HACD4: variants seen among roughly 807,000 people sequenced by gnomAD.
The protein encoded by HACD4 is very-long-chain (3R)-3-hydroxyacyl-CoA dehydratase 4.
Under a neutral mutation model 33.3 loss-of-function variants are expected in HACD4, and 35 were observed. The observed-to-expected ratio is 1.05, with a 90% CI of 0.80 to 1.39. The LOEUF (loss-of-function observed/expected upper bound fraction) is 1.39. Among genes scored for constraint, HACD4 ranks in the 40% most tolerant of loss-of-function variants. The pLI is 0.00. For synonymous variants in HACD4, 118 were observed against 98.0 expected (o/e 1.20, Z -1.21); for missense variants, 323 against 276.5 (o/e 1.17, Z -1.19).
chr9:21,011,581 T>C lies in HACD4; in HGVS notation c.490+8A>G. 6.5e-7 allele frequency: 1 copy of C among 1,548,942 alleles called. No homozygotes were observed. The highest frequency in any genetic ancestry group is 8.9e-7 in the Non-Finnish European group (1 of 1,121,714). On this transcript the variant is annotated splice_region_variant and intron_variant, in intron 5 of 6. Transcript: ENST00000495827. The stretch of plus-strand genomic sequence containing the variant: ...AGTAAGCAATACAGCAAGTCACTCT[T>C]TTCTTACCTTCAGCAAGAACACACA...
At chr9:21,014,310 C>T (rs897883808) in intron 4 of HACD4, among the ~76,000 whole-genome samples, 6 of 152,132 alleles carry the variant, frequency 3.9e-5, no homozygotes, top group Non-Finnish European at 8.8e-5. Flanking sequence ...GTAGAAACCA[C>T]CCAAATGTCC....
At chr9:21,020,378 G>A (rs1243397103) in intron 3 of HACD4, among the ~76,000 whole-genome samples, 1 of 152,118 alleles carries the variant, frequency 6.6e-6, no homozygotes, top group African/African-American at 2.4e-5. Context: ...TGACACAAAG[G>A]TTAGTGTTGG....
chr9:21,000,838 T>G lies in HACD4; in HGVS notation c.*6199A>C, dbSNP rs1842156922. The G allele has an allele frequency of 6.6e-6, 1 of 152,108 alleles. No homozygotes were observed. Among genetic ancestry groups the G allele is most frequent in the South Asian group, 2.1e-4 (1 of 4,794 alleles). The allele number at this position is 152,108 out of a possible 1,614,324, so 9.4% of individuals were successfully genotyped here. A position where few individuals can be genotyped will look rare whatever the true frequency, so the allele number is the denominator to read the frequency against. ...TAAGTAAACTTAAATAATTGTAAGA[T>G]TCTTTCTTTGGGGAAATATTTTGGA... On this transcript the variant is annotated 3_prime_UTR_variant, in exon 7 of 7. Transcript: ENST00000495827.
chr9:21,008,248 G>T, intron 5 of HACD4, 102 bp from the exon 6 acceptor site: 1 of 1,062,818 alleles, frequency 9.4e-7, no homozygotes, highest in Non-Finnish European at 1.3e-6. Flanking sequence ...ATTTGATAAT[G>T]ACAGTTTTGT....
chr9:21,031,292 C>T (rs1818210784), intron 1 of HACD4: 1 of 237,556 alleles, frequency 4.2e-6, no homozygotes, highest in African/African-American at 2.3e-5. Context: ...AGAGGGCTCA[C>T]AAGGGCAGGG....
At position 21,006,782 on chromosome 9, in the gene HACD4, G is replaced by C. The variant is rs1196558472; in HGVS notation, c.*255C>G. 1 of 435,538 alleles carries C rather than the reference G, an allele frequency of 2.3e-6. No homozygotes were observed. Among genetic ancestry groups the C allele is most frequent in the Admixed American group, 3.9e-5 (1 of 25,490 alleles). 27.0% of individuals were successfully genotyped at this position (435,538 alleles called of 1,614,324 possible). A position where few individuals can be genotyped will look rare whatever the true frequency, so the allele number is the denominator to read the frequency against. On this transcript the variant is annotated 3_prime_UTR_variant, in exon 7 of 7. Coordinates refer to ENST00000495827, the MANE Select transcript of HACD4 (RefSeq NM_001010915.5). The surrounding 1 kb of genome is among the most constrained non-coding windows in gnomAD (Gnocchi z 4.6). Reference sequence around the variant, plus strand: ...AATAATCAGACTTCATACAATGTAAGTATAACTTGTATAAAATCCAAATGA... The same window carrying C: ...AATAATCAGACTTCATACAATGTAACTATAACTTGTATAAAATCCAAATGA...
intron 3 of HACD4, among the ~76,000 whole-genome samples, chr9:21,024,491 G>C (rs1274792735): frequency 6.6e-6 from 1 of 152,178 alleles, no homozygotes; most frequent in Non-Finnish European, 1.5e-5. Flanking sequence ...TTTGATTACA[G>C]TTATATTTCT....
At chr9:21,016,409 G>C (rs1338701166) in intron 3 of HACD4, among the ~76,000 whole-genome samples, 3 of 152,316 alleles carry the variant, frequency 2.0e-5, no homozygotes, top group Admixed American at 2.0e-4. Context: ...AGCCAGCACA[G>C]TGTGTGCCAG....
intron 3 of HACD4, among the ~76,000 whole-genome samples, chr9:21,025,750 A>G (rs1408189705): frequency 1.3e-5 from 2 of 152,246 alleles, no homozygotes; most frequent in African/African-American, 4.8e-5. Flanking sequence ...TACAAAGAAC[A>G]TGGTAATCTA....
At chr9:21,008,201 T>G in intron 5 of HACD4, 55 bp from the exon 6 acceptor site, 1 of 1,376,436 alleles carries the variant, frequency 7.3e-7, no homozygotes, top group Non-Finnish European at 9.8e-7. Flanking sequence ...GTTACAGGGA[T>G]GTGTATATAT....
chr9:21,030,458 AT>A (rs1226431227), intron 1 of HACD4, among the ~76,000 whole-genome samples: 1 of 147,648 alleles, frequency 6.8e-6, no homozygotes, highest in African/African-American at 2.7e-5. Context: ...TAAATAAAAA[AT>A]AAAAAACAAA....
chr9:21,013,009 G>T (rs1367568003), intron 4 of HACD4, among the ~76,000 whole-genome samples: 1 of 150,634 alleles, frequency 6.6e-6, no homozygotes, highest in African/African-American at 2.4e-5. Flanking sequence ...GGAGGTTGTG[G>T]TGAGCTGAGA....
intron 3 of HACD4, among the ~76,000 whole-genome samples, chr9:21,023,112 G>T (rs553180523): frequency 1.3e-5 from 2 of 149,978 alleles, no homozygotes; most frequent in Non-Finnish European, 3.0e-5. Context: ...GCAAACTATC[G>T]CAAGGACAGA....
chr9:21,022,445 C>T (rs1226951093), intron 3 of HACD4, among the ~76,000 whole-genome samples: 2 of 152,068 alleles, frequency 1.3e-5, no homozygotes, highest in African/African-American at 4.8e-5. Flanking sequence ...AGGCAACCTA[C>T]AGAATGGGAG....
In HACD4 at chr9:21,004,575, C is replaced by A. The variant is rs977141846; in HGVS notation, c.*2462G>T. ...TAGCAAGAAGGCATTCATCTGCAAACCATGAAGAAGAATCAGCTAGCACCT... is the reference window on the plus strand; with the variant it reads ...TAGCAAGAAGGCATTCATCTGCAAAACATGAAGAAGAATCAGCTAGCACCT... On this transcript the variant is annotated 3_prime_UTR_variant, in exon 7 of 7. Coordinates refer to ENST00000495827, the MANE Select transcript of HACD4 (RefSeq NM_001010915.5). This position sits in a 1 kb window ranked among gnomAD's most constrained non-coding sequence, Gnocchi z 4.6. 1.4e-4 allele frequency: 22 copies of A among 152,276 alleles called. No individual in the cohort carries two copies. The highest frequency in any genetic ancestry group is 1.6e-4 in the Non-Finnish European group (11 of 68,122). The allele number at this position is 152,276 out of a possible 1,614,324, so 9.4% of individuals were successfully genotyped here.
chr9:21,000,552 A>C lies in HACD4; in HGVS notation c.*6485T>G, dbSNP rs2132756930. On this transcript the variant is annotated 3_prime_UTR_variant, in exon 7 of 7. Transcript: ENST00000495827. ...TGGAATCTGCATTCTAAACAGGTGA[A>C]CTTGTTAATTGTGGCTGTTGCTCCC... 1 of 152,278 alleles carries C rather than the reference A, an allele frequency of 6.6e-6. No individual in the cohort carries two copies. Among genetic ancestry groups the C allele is most frequent in the Non-Finnish European group, 1.5e-5 (1 of 68,006 alleles). 9.4% of individuals were successfully genotyped at this position (152,278 alleles called of 1,614,324 possible). A position where few individuals can be genotyped will look rare whatever the true frequency, so the allele number is the denominator to read the frequency against.
chr9:21,023,375 A>C (rs1380942137), intron 3 of HACD4, among the ~76,000 whole-genome samples: 1 of 152,168 alleles, frequency 6.6e-6, no homozygotes, highest in Non-Finnish European at 1.5e-5. Flanking sequence ...AATTTAAAAA[A>C]TTAAAAAATA....
chr9:21,030,071 T>C (rs751933254), intron 1 of HACD4, among the ~76,000 whole-genome samples: 1 of 152,148 alleles, frequency 6.6e-6, no homozygotes, highest in Non-Finnish European at 1.5e-5. Flanking sequence ...GCTTTCATCT[T>C]TGATAAAGTT....
chr9:21,023,239 GA>G (rs2132794396), intron 3 of HACD4, among the ~76,000 whole-genome samples: 1 of 136,876 alleles, frequency 7.3e-6, no homozygotes, highest in South Asian at 2.7e-4. Flanking sequence ...GAGGGGGGAG[GA>G]ATAGCATTAG....
Sources: allele counts gnomAD v4.1 joint callset (sites outside exome capture counted in the v4.1 genomes callset), GRCh38; gene constraint gnomAD v4.1.1; non-coding constraint Gnocchi (gnomAD v3.1); transcripts MANE v1.5; gene names NCBI Gene and HGNC (gene_info 2026-07-23, HGNC 2026-07-21).